TMEM131: variants seen among roughly 807,000 people sequenced by gnomAD.
TMEM131 encodes the protein transmembrane protein 131.
In TMEM131, 66 loss-of-function variants were observed where a neutral mutation model predicts 211.6. The observed-to-expected ratio is 0.31, with a 90% confidence interval of 0.26 to 0.38. TMEM131 has a LOEUF of 0.38. TMEM131 is among the 10% of genes least tolerant of loss of function. TMEM131 has a pLI of 1.00. For synonymous variants in TMEM131, 844 were observed against 841.3 expected (o/e 1.00, Z -0.06); for missense variants, 2,036 against 2,299.3 (o/e 0.89, Z 2.34).
chr2:97,804,999 A>C (rs967498251), intron 22 of TMEM131, 89 bp downstream of exon 22: 45 of 928,212 alleles, frequency 4.8e-5, no homozygotes, highest in Non-Finnish European at 6.5e-5. Context: ...AAGCAAAATA[A>C]TCTAACATAA....
intron 1 of TMEM131, among the ~76,000 whole-genome samples, chr2:97,956,080 G>A (rs1678552787): frequency 6.6e-6 from 1 of 152,140 alleles, no homozygotes; most frequent in Admixed American, 6.5e-5. Context: ...CCAATATTAA[G>A]GTAGAGTAAG....
intron 2 of TMEM131, among the ~76,000 whole-genome samples, chr2:97,918,872 G>A (rs1676621913): frequency 6.6e-6 from 1 of 152,110 alleles, no homozygotes. Flanking sequence ...CTCACTTAAA[G>A]TCTCTTTTGT....
Position 97,911,430 on chromosome 2 carries a change from G to A in TMEM131, c.250-2732C>T, listed in dbSNP as rs554623167. 3.9e-5 allele frequency among the ~76,000 whole-genome samples: 6 copies of A among 152,276 alleles called. No homozygotes were observed. The South Asian group carries it at 1.2e-3, about 32-fold the overall frequency. On this transcript the variant is annotated intron_variant, in intron 2 of 40. Coordinates refer to ENST00000186436, the MANE Select transcript of TMEM131 (RefSeq NM_015348.2). The stretch of plus-strand genomic sequence containing the variant: ...AAATTACATAATTTAAACACATGCA[G>A]TTTATTGTATGTCATTTATACATCA...
chr2:97,848,372 G>A (rs546731122), intron 5 of TMEM131, among the ~76,000 whole-genome samples: 107 of 152,274 alleles, frequency 7.0e-4, no homozygotes, highest in Non-Finnish European at 9.4e-4. Context: ...GTATCTGTGG[G>A]ATTGGCTCCA....
chr2:97,788,477 G>A (rs544939510), intron 31 of TMEM131, among the ~76,000 whole-genome samples: 8 of 152,272 alleles, frequency 5.3e-5, no homozygotes, highest in East Asian at 3.9e-4. Context: ...TCAAGTTCAA[G>A]TGAAAACCCG....
chr2:97,944,576 A>G (rs543586792), intron 1 of TMEM131, among the ~76,000 whole-genome samples: 1 of 152,346 alleles, frequency 6.6e-6, no homozygotes, highest in South Asian at 2.1e-4. Context: ...ATCTGATAAG[A>G]GATACATACA....
chr2:97,827,666 T>G lies in TMEM131; in HGVS notation c.1074+5699A>C, dbSNP rs1682467171. 3 of 921,288 alleles carry G rather than the reference T, an allele frequency of 3.3e-6. No homozygotes were observed. In the Admixed American group the frequency reaches 6.2e-5, roughly 19 times the overall value. The allele number at this position is 921,288 out of a possible 1,614,324, so 57.1% of individuals were successfully genotyped here. A position where few individuals can be genotyped will look rare whatever the true frequency, so the allele number is the denominator to read the frequency against. ...TTTTTTAGTAGCTCTAGAAACATTT[T>G]TAAGAAGGAGGGAATCCCACCTCAT... On this transcript the variant is annotated intron_variant, in intron 11 of 40. Transcript: ENST00000186436.
intron 1 of TMEM131, among the ~76,000 whole-genome samples, chr2:97,945,930 T>C (rs909298976): frequency 4.6e-5 from 7 of 152,024 alleles, no homozygotes; most frequent in African/African-American, 1.2e-4. Flanking sequence ...ACAGAGGAGG[T>C]TGGTATCCTT....
intron 1 of TMEM131, among the ~76,000 whole-genome samples, chr2:97,932,627 C>A (rs1187970201): frequency 4.6e-5 from 7 of 152,040 alleles, no homozygotes; most frequent in Non-Finnish European, 8.8e-5. Context: ...TTCACCTTAT[C>A]CTAAAGAATC....
At chr2:97,932,972 T>G (rs185844815) in intron 1 of TMEM131, among the ~76,000 whole-genome samples, 1 of 152,242 alleles carries the variant, frequency 6.6e-6, no homozygotes, top group Admixed American at 6.5e-5. Flanking sequence ...CCCTTTTCTA[T>G]GTTTAGATAC....
At chr2:97,862,139 T>C (rs1674094774) in intron 4 of TMEM131, among the ~76,000 whole-genome samples, 1 of 152,174 alleles carries the variant, frequency 6.6e-6, no homozygotes, top group Non-Finnish European at 1.5e-5. Context: ...AGATGGTACT[T>C]CTACAAGTCT....
intron 2 of TMEM131, among the ~76,000 whole-genome samples, chr2:97,919,556 T>A (rs1326193732): frequency 6.6e-6 from 1 of 152,220 alleles, no homozygotes; most frequent in East Asian, 1.9e-4. Context: ...GCTTTTAGAA[T>A]GTATCTCTTT....
chr2:97,969,096 A>AG (rs1231273372), intron 1 of TMEM131, among the ~76,000 whole-genome samples: 1 of 151,802 alleles, frequency 6.6e-6, no homozygotes, highest in Non-Finnish European at 1.5e-5. Flanking sequence ...CAAAAAAAAA[A>AG]AAAGGAAAAG....
At position 97,995,747 on chromosome 2, in the gene TMEM131, G is replaced by T; in HGVS notation, c.-85C>A. On this transcript the variant is annotated 5_prime_UTR_variant, in exon 1 of 41. Coordinates refer to ENST00000186436, the MANE Select transcript of TMEM131 (RefSeq NM_015348.2). ...CGGCGGCGCGGAAGCCGTGGTCCGG[G>T]CTCTGGCCGCGGCGCCGGGAGCGAC... The T allele has an allele frequency of 1.9e-6, 2 of 1,041,472 alleles. No homozygotes were observed. Among genetic ancestry groups the T allele is most frequent in the Non-Finnish European group, 2.4e-6 (2 of 841,892 alleles). 64.5% of individuals were successfully genotyped at this position (1,041,472 alleles called of 1,614,324 possible). A position where few individuals can be genotyped will look rare whatever the true frequency, so the allele number is the denominator to read the frequency against.
intron 39 of TMEM131, chr2:97,759,421 G>A (rs1479152415): frequency 9.2e-6 from 5 of 544,556 alleles, no homozygotes; most frequent in Non-Finnish European, 1.6e-5. Context: ...ACCCGCCATG[G>A]AACTCACACC....
chr2:97,759,010 G>C lies in TMEM131; in HGVS notation c.5250C>G (p.Ala1750=). The change falls in exon 40 of 41, where the codon GCC becomes GCG. Residue 1750 remains alanine, a synonymous_variant. Transcript: ENST00000186436. ...TAAACTCGTTCCAGCTCCTCTGTGA[G>C]GCCTGATTGCACGATCGAGATAATC... ...KLGLSRSCNQ[A]SQRSWNEFNS... The C allele has an allele frequency of 6.2e-7, 1 of 1,614,058 alleles. No individual in the cohort carries two copies. Among genetic ancestry groups the C allele is most frequent in the South Asian group, 1.1e-5 (1 of 91,086 alleles).
intron 15 of TMEM131, among the ~76,000 whole-genome samples, chr2:97,813,627 T>G (rs904564739): frequency 2.6e-5 from 4 of 152,234 alleles, no homozygotes; most frequent in Non-Finnish European, 4.4e-5. Context: ...ATATCCCTCT[T>G]CACCTTCCTT....
At chr2:97,786,945 T>G (rs1332111825) in intron 31 of TMEM131, among the ~76,000 whole-genome samples, 2 of 152,246 alleles carry the variant, frequency 1.3e-5, no homozygotes, top group Non-Finnish European at 2.9e-5. Flanking sequence ...TTCAGAACTA[T>G]ATGACATTTT....
intron 25 of TMEM131, among the ~76,000 whole-genome samples, chr2:97,800,771 GAAAA>G: frequency 6.6e-6 from 1 of 151,360 alleles, no homozygotes. Flanking sequence ...AAAAAAAAAA[GAAAA>G]AGAAAAGCAG....
Sources: gnomAD v4.1 joint callset for allele counts (sites outside exome capture counted in the v4.1 genomes callset) on GRCh38, gnomAD v4.1.1 for gene constraint, MANE v1.5 for transcripts, NCBI Gene and HGNC (gene_info 2026-07-23, HGNC 2026-07-21) for gene names.